The following PHACTR1 variants were observed in gnomAD, a reference collection of about 807,000 sequenced individuals.
PHACTR1 encodes phosphatase and actin regulator 1, also known as RPEL repeat containing 1.
PHACTR1 carries 16 observed loss-of-function variants against 69.2 expected under a neutral mutation model. The ratio of observed to expected loss-of-function variants is 0.23; its 90% CI spans 0.16 to 0.35. The LOEUF is 0.35. PHACTR1 is among the 10% of genes least tolerant of loss of function. The pLI, the probability that PHACTR1 is intolerant of heterozygous loss-of-function variation, is 1.00. For synonymous variants in PHACTR1, 312 were observed against 284.5 expected (o/e 1.10, Z -0.97); for missense variants, 510 against 734.7 (o/e 0.69, Z 3.54).
chr6:12,869,826 T>C (rs1239972362), intron 4 of PHACTR1, among the ~76,000 whole-genome samples: 2 of 152,226 alleles, frequency 1.3e-5, no homozygotes, highest in Non-Finnish European at 2.9e-5. Flanking sequence ...CATTTGAGTG[T>C]ATCTTTCACA....
chr6:13,225,924 A>G (rs1193605492), intron 8 of PHACTR1, among the ~76,000 whole-genome samples: 9 of 152,214 alleles, frequency 5.9e-5, no homozygotes, highest in Non-Finnish European at 1.5e-5. Flanking sequence ...GCTGTCACTG[A>G]TAAAAGGGCT....
At chr6:12,749,437 C>G in intron 3 of PHACTR1, 1 of 636,050 alleles carries the variant, frequency 1.6e-6, no homozygotes. Context: ...TTTTCTTTCT[C>G]TCCCTTCACC....
intron 6 of PHACTR1, among the ~76,000 whole-genome samples, chr6:13,163,419 A>G (rs1759337683): frequency 1.3e-5 from 2 of 152,192 alleles, no homozygotes; most frequent in African/African-American, 4.8e-5. Flanking sequence ...TTTGCTCACT[A>G]GCACATAAAC....
rs79975701 is a variant in PHACTR1, at chr6:12,947,203, A to G, written c.251-106162A>G. Among the ~76,000 whole-genome samples the G allele has an allele frequency of 6.4e-3, 978 of 152,306 alleles. 15 individuals carry two copies. The highest frequency in any genetic ancestry group is 0.022 in the African/African-American group (927 of 41,550). ...TTAAAAAAAGGAATACCCATAAATTACCACGTGGCAAGCCAAGTTCTTTCT... is the reference window on the plus strand; with the variant it reads ...TTAAAAAAAGGAATACCCATAAATTGCCACGTGGCAAGCCAAGTTCTTTCT... On this transcript the variant is annotated intron_variant, in intron 4 of 14. Coordinates refer to ENST00000332995, the MANE Select transcript of PHACTR1 (RefSeq NM_030948.6).
chr6:12,970,088 C>T (rs532337827), intron 4 of PHACTR1, among the ~76,000 whole-genome samples: 10 of 152,188 alleles, frequency 6.6e-5, no homozygotes, highest in East Asian at 5.8e-4. Flanking sequence ...CTTTTAACTG[C>T]GTCCTGATGG....
chr6:13,022,122 C>A (rs1178464066), intron 4 of PHACTR1, among the ~76,000 whole-genome samples: 1 of 152,192 alleles, frequency 6.6e-6, no homozygotes, highest in Non-Finnish European at 1.5e-5. Flanking sequence ...TTAAGTTTAA[C>A]TTCTTAAAGC....
intron 4 of PHACTR1, among the ~76,000 whole-genome samples, chr6:12,979,104 C>T (rs2127591347): frequency 6.6e-6 from 1 of 152,320 alleles, no homozygotes; most frequent in East Asian, 1.9e-4. Context: ...CCACTCCACT[C>T]CCACCTCCAA....
At chr6:12,830,303 T>C (rs1172032891) in intron 4 of PHACTR1, among the ~76,000 whole-genome samples, 1 of 150,984 alleles carries the variant, frequency 6.6e-6, no homozygotes, top group Non-Finnish European at 1.5e-5. Context: ...CCTTAGTGGA[T>C]TGCCCTTAAG....
At position 12,933,762 on chromosome 6, in the gene PHACTR1, C is replaced by G. The variant is rs1191373044; in HGVS notation, c.251-119603C>G. 1.9e-6 allele frequency: 3 copies of G among 1,612,870 alleles called. No homozygotes were observed. In the East Asian group the frequency reaches 6.7e-5, roughly 36 times the overall value. ...CTCCTGAAGACAGCCCCTACATACACTACATCAGCCCACATCTGCTCAGGC... is the reference window on the plus strand; with the variant it reads ...CTCCTGAAGACAGCCCCTACATACAGTACATCAGCCCACATCTGCTCAGGC... On this transcript the variant is annotated intron_variant, in intron 4 of 14. Coordinates refer to ENST00000332995, the MANE Select transcript of PHACTR1 (RefSeq NM_030948.6).
At chr6:13,182,440 A>G (rs1762293939) in intron 6 of PHACTR1, 79 bp from the exon 7 acceptor site, 1 of 1,469,068 alleles carries the variant, frequency 6.8e-7, no homozygotes, top group African/African-American at 1.4e-5. Context: ...CAGCATCTAG[A>G]CTCAGCAGGC....
At chr6:12,992,562 G>A (rs763276994) in intron 4 of PHACTR1, among the ~76,000 whole-genome samples, 7 of 152,160 alleles carry the variant, frequency 4.6e-5, no homozygotes, top group African/African-American at 7.2e-5. Flanking sequence ...GTGACAAGTT[G>A]TACCGAACTT....
At chr6:12,930,256 G>A (rs1421545463) in intron 4 of PHACTR1, among the ~76,000 whole-genome samples, 12 of 152,190 alleles carry the variant, frequency 7.9e-5, no homozygotes, top group Non-Finnish European at 2.9e-5. Context: ...TATTATCCAA[G>A]TTGGTCTTGA....
intron 10 of PHACTR1, among the ~76,000 whole-genome samples, chr6:13,237,560 G>A (rs1170630567): frequency 6.6e-6 from 1 of 152,174 alleles, no homozygotes; most frequent in African/African-American, 2.4e-5. Context: ...AATGAGACAG[G>A]AATAGTAGGT....
chr6:12,879,123 T>C (rs1011490937), intron 4 of PHACTR1, among the ~76,000 whole-genome samples: 4 of 152,342 alleles, frequency 2.6e-5, no homozygotes, highest in Middle Eastern at 6.8e-3. Flanking sequence ...GTGGAGTGTA[T>C]TGCAGAGGCT....
chr6:13,198,714 A>G (rs541748637), intron 7 of PHACTR1, among the ~76,000 whole-genome samples: 8 of 152,186 alleles, frequency 5.3e-5, no homozygotes, highest in Non-Finnish European at 1.2e-4. Flanking sequence ...GCCACATTCA[A>G]AGCTGTCCTG....
At chr6:13,198,943 C>T (rs1057495154) in intron 7 of PHACTR1, among the ~76,000 whole-genome samples, 3 of 152,230 alleles carry the variant, frequency 2.0e-5, no homozygotes, top group Non-Finnish European at 4.4e-5. Context: ...GGTGTCATTT[C>T]CATCCAGGTA....
chr6:12,722,707 G>A (rs1408257312), intron 3 of PHACTR1, among the ~76,000 whole-genome samples: 2 of 152,158 alleles, frequency 1.3e-5, no homozygotes, highest in Non-Finnish European at 2.9e-5. Context: ...CTCAAGGTGG[G>A]GGAGATCAGC....
intron 4 of PHACTR1, chr6:12,957,337 A>G (rs1792016705): frequency 1.0e-6 from 1 of 984,830 alleles, no homozygotes; most frequent in Non-Finnish European, 1.2e-6. Flanking sequence ...CCAGGCTGAA[A>G]CAGCTGTACA....
At chr6:12,906,870 T>C (rs978692748) in intron 4 of PHACTR1, among the ~76,000 whole-genome samples, 2 of 152,166 alleles carry the variant, frequency 1.3e-5, no homozygotes, top group African/African-American at 2.4e-5. Context: ...GGCTTTCTGA[T>C]TGACACTTGG....
Sources: gnomAD v4.1 joint callset for allele counts (sites outside exome capture counted in the v4.1 genomes callset) on GRCh38, gnomAD v4.1.1 for gene constraint, MANE v1.5 for transcripts, NCBI Gene and HGNC (gene_info 2026-07-23, HGNC 2026-07-21) for gene names.